The following CDCA2 variants were observed in gnomAD, a reference collection of about 807,000 sequenced individuals.
CDCA2 encodes the protein cell division cycle associated 2.
CDCA2 carries 44 observed loss-of-function variants against 67.0 expected under a neutral mutation model. The ratio of observed to expected loss-of-function variants is 0.66; its 90% CI spans 0.52 to 0.84. The LOEUF (loss-of-function observed/expected upper bound fraction) is 0.84. Ranked by LOEUF, CDCA2 falls within the 40% of genes least tolerant of loss-of-function variation. The pLI is 0.00. For synonymous variants in CDCA2, 447 were observed against 418.7 expected (o/e 1.07, Z -0.82); for missense variants, 1,253 against 1,203.2 (o/e 1.04, Z -0.61).
At chr8:25,479,204 G>GGA (rs1292104563) in intron 7 of CDCA2, among the ~76,000 whole-genome samples, 1 of 151,682 alleles carries the variant, frequency 6.6e-6, no homozygotes, top group Non-Finnish European at 1.5e-5. Context: ...TCTGTCCTGA[G>GGA]GATCCTCATG....
chr8:25,483,469 G>A lies in CDCA2; in HGVS notation c.1103G>A (p.Cys368Tyr). 3.1e-6 allele frequency: 5 copies of A among 1,610,644 alleles called. No individual in the cohort carries two copies. Among genetic ancestry groups the A allele is most frequent in the Middle Eastern group, 3.3e-4 (2 of 6,040 alleles). ...PSLISNLPNC[C>Y]KEKEAEDEEN... ...TTAATCTCAAATCTCCCAAACTGTTGCAAAGAGAAAGAAGCAGGTAAGAAA... is the reference window on the plus strand; with the variant it reads ...TTAATCTCAAATCTCCCAAACTGTTACAAAGAGAAAGAAGCAGGTAAGAAA... Residue 368 changes from cysteine to tyrosine, a missense_variant, in exon 9 of 15, where the codon TGC (cysteine) becomes TAC (tyrosine). Cys to Tyr is a radical substitution (Grantham distance 194). Transcript: ENST00000330560.
In CDCA2 at chr8:25,507,720, T is replaced by A. The variant is rs1331275769; in HGVS notation, c.3054T>A (p.Asn1018Lys). ...SLTALERIEH[N>K]GERKQ ...CTGCCTTGGAAAGGATTGAACATAA[T>A]GGAGAAAGAAAGCAGTAATTGACAT... Residue 1018 changes from asparagine (N) to lysine (K), a missense_variant, in exon 15 of 15, where the codon AAT becomes AAA. Asn to Lys is a moderately conservative substitution (Grantham distance 94, BLOSUM62 0). Transcript: ENST00000330560. The A allele has an allele frequency of 6.2e-7, 1 of 1,610,370 alleles. No individual in the cohort carries two copies. Among genetic ancestry groups the A allele is most frequent in the African/African-American group, 1.3e-5 (1 of 74,744 alleles).
At chr8:25,498,423 G>A (rs984099575) in intron 13 of CDCA2, among the ~76,000 whole-genome samples, 1 of 142,668 alleles carries the variant, frequency 7.0e-6, no homozygotes, top group East Asian at 2.1e-4. Flanking sequence ...GGCCTGGCTG[G>A]TCTCAAACCC....
chr8:25,460,027 G>T (rs1379682224), intron 1 of CDCA2, among the ~76,000 whole-genome samples: 1 of 152,016 alleles, frequency 6.6e-6, no homozygotes, highest in Non-Finnish European at 1.5e-5. Context: ...TGATTATTAC[G>T]AATTGCATGC....
Position 25,507,904 on chromosome 8 carries a change from A to T in CDCA2, c.*166A>T, listed in dbSNP as rs1422630839. On this transcript the variant is annotated 3_prime_UTR_variant, in exon 15 of 15. Transcript: ENST00000330560. ...TATGTAGAAATAAATAAGTTTCTTC[A>T]TCATTCAGATAGAAAACATTCTATT... 1.9e-5 allele frequency: 10 copies of T among 540,386 alleles called. No homozygotes were observed. Among genetic ancestry groups the T allele is most frequent in the Non-Finnish European group, 2.9e-5 (10 of 339,658 alleles). 33.5% of individuals were successfully genotyped at this position (540,386 alleles called of 1,614,324 possible).
intron 14 of CDCA2, 59 bp from the exon 15 acceptor site, chr8:25,506,451 T>TA: frequency 7.1e-7 from 1 of 1,406,724 alleles, no homozygotes; most frequent in Non-Finnish European, 9.5e-7. Flanking sequence ...TTAATAAATG[T>TA]AAAGTTCATT....
At chr8:25,497,916 G>A (rs1436122826) in intron 13 of CDCA2, among the ~76,000 whole-genome samples, 2 of 152,092 alleles carry the variant, frequency 1.3e-5, no homozygotes, top group Non-Finnish European at 1.5e-5. Flanking sequence ...GGACATGGAG[G>A]AACATAGACT....
At chr8:25,493,461 A>G (rs918241299) in intron 13 of CDCA2, among the ~76,000 whole-genome samples, 1 of 152,212 alleles carries the variant, frequency 6.6e-6, no homozygotes, top group African/African-American at 2.4e-5. Context: ...GAGCATGCGT[A>G]AGGAAAAAAA....
intron 13 of CDCA2, among the ~76,000 whole-genome samples, chr8:25,502,388 G>A (rs1207175130): frequency 5.3e-5 from 8 of 151,932 alleles, no homozygotes; most frequent in Non-Finnish European, 8.8e-5. Context: ...TTGCTGATAC[G>A]TTACTCAGAA....
intron 10 of CDCA2, among the ~76,000 whole-genome samples, chr8:25,484,654 C>T (rs906467188): frequency 1.4e-5 from 2 of 145,366 alleles, no homozygotes; most frequent in Non-Finnish European, 3.0e-5. Flanking sequence ...TGCAGTGGTG[C>T]GGTCATGGCT....
chr8:25,491,502 A>G (rs1327587505), intron 13 of CDCA2, among the ~76,000 whole-genome samples: 1 of 152,256 alleles, frequency 6.6e-6, no homozygotes, highest in African/African-American at 2.4e-5. Context: ...GAAAGCTACA[A>G]AATCATACAA....
rs1479144637 is a variant in CDCA2 at position 25,506,945 on chromosome 8, A to G, written c.2279A>G (p.Asn760Ser). 2.5e-6 allele frequency: 4 copies of G among 1,613,682 alleles called. No homozygotes were observed. Among genetic ancestry groups the G allele is most frequent in the Non-Finnish European group, 3.4e-6 (4 of 1,179,828 alleles). The change falls in exon 15 of 15, where the codon AAC becomes AGC. Residue 760 changes from asparagine (N) to serine (S), a missense_variant. Transcript: ENST00000330560. ...CQFFKISPDLNIKCERKDDFL... is the reference protein window; with the variant it reads ...CQFFKISPDLSIKCERKDDFL... Reference sequence around the variant, plus strand: ...TTCTTTAAAATTTCACCAGATTTAAACATAAAGTGTGAAAGAAAGGATGAC... The same window carrying G: ...TTCTTTAAAATTTCACCAGATTTAAGCATAAAGTGTGAAAGAAAGGATGAC...
chr8:25,482,461 C>G (rs1430642787), intron 8 of CDCA2, among the ~76,000 whole-genome samples: 1 of 152,106 alleles, frequency 6.6e-6, no homozygotes, highest in Non-Finnish European at 1.5e-5. Context: ...TGGATTGAAC[C>G]AACCACAGAT....
intron 9 of CDCA2, 39 bp from the exon 10 acceptor site, chr8:25,483,927 T>G: frequency 6.4e-7 from 1 of 1,559,336 alleles, no homozygotes; most frequent in Non-Finnish European, 8.8e-7. Context: ...GAAATATAGC[T>G]TAATTTTTAA....
At chr8:25,462,968 C>T (rs1212265866) in intron 4 of CDCA2, among the ~76,000 whole-genome samples, 2 of 152,164 alleles carry the variant, frequency 1.3e-5, no homozygotes, top group Non-Finnish European at 2.9e-5. Flanking sequence ...AGTGCTCAAC[C>T]CAAACGAGGG....
At chr8:25,477,077 C>G (rs919460937) in intron 7 of CDCA2, among the ~76,000 whole-genome samples, 1 of 152,220 alleles carries the variant, frequency 6.6e-6, no homozygotes, top group Non-Finnish European at 1.5e-5. Flanking sequence ...GAAGGCCACA[C>G]TCTGTCTCCT....
chr8:25,482,891 G>A (rs1203975013), intron 8 of CDCA2, among the ~76,000 whole-genome samples: 3 of 152,154 alleles, frequency 2.0e-5, no homozygotes, highest in Non-Finnish European at 2.9e-5. Flanking sequence ...TAAATAAAAA[G>A]TATGCTTTTA....
intron 13 of CDCA2, among the ~76,000 whole-genome samples, chr8:25,493,460 T>TA (rs1804090564): frequency 6.6e-6 from 1 of 152,202 alleles, no homozygotes; most frequent in East Asian, 1.9e-4. Context: ...GGAGCATGCG[T>TA]AAGGAAAAAA....
At chr8:25,470,413 C>G (rs1369178423) in intron 7 of CDCA2, among the ~76,000 whole-genome samples, 1 of 152,134 alleles carries the variant, frequency 6.6e-6, no homozygotes, top group Non-Finnish European at 1.5e-5. Flanking sequence ...GTCTTTAAAA[C>G]TCTTATGGGC....
Sources: gnomAD v4.1 joint callset for allele counts (sites outside exome capture counted in the v4.1 genomes callset) on GRCh38, gnomAD v4.1.1 for gene constraint, MANE v1.5 for transcripts, NCBI Gene and HGNC (gene_info 2026-07-23, HGNC 2026-07-21) for gene names.